Variants in MEGF6 observed in about 807,000 individuals in gnomAD.
MEGF6 encodes the protein multiple epidermal growth factor-like domains protein 6.
Under a neutral mutation model 207.1 loss-of-function variants are expected in MEGF6, and 184 were observed. That is an observed-to-expected ratio of 0.89 (90% CI 0.79 to 1.00). MEGF6 has a LOEUF of 1.00. MEGF6 is among the 50% of genes least tolerant of loss of function. The pLI is 0.00. For missense variants in MEGF6, 2,282 were observed against 2,202.9 expected, an observed-to-expected ratio of 1.04 and a Z score of -0.72; for synonymous variants, 1,038 against 910.0, an observed-to-expected ratio of 1.14 and a Z score of -2.53.
chr1:3,519,437 G>T (rs1000935841), intron 5 of MEGF6, among the ~76,000 whole-genome samples: 2 of 152,246 alleles, frequency 1.3e-5, no homozygotes, highest in Admixed American at 6.5e-5. Context: ...GCGCACCATG[G>T]GCACCCAATG....
intron 5 of MEGF6, among the ~76,000 whole-genome samples, chr1:3,517,352 C>T (rs1641580765): frequency 6.6e-6 from 1 of 152,204 alleles, no homozygotes; most frequent in Non-Finnish European, 1.5e-5. Flanking sequence ...CCGGGCATGG[C>T]GCGCACTGGA....
At chr1:3,580,734 G>GGGCAGGGCCAGGGTGGGAT (rs370427037) in intron 3 of MEGF6, among the ~76,000 whole-genome samples, 7 of 152,102 alleles carry the variant, frequency 4.6e-5, no homozygotes, top group East Asian at 1.9e-4. Context: ...CTACTTGGGA[G>GGGCAGGGCCAGGGTGGGAT]GGCAGGGCCA....
intron 2 of MEGF6, among the ~76,000 whole-genome samples, chr1:3,598,848 C>T (rs1038060617): frequency 6.6e-6 from 1 of 152,166 alleles, no homozygotes; most frequent in East Asian, 1.9e-4. Flanking sequence ...GCCCCTCCCC[C>T]ACCCCTTCCT....
chr1:3,496,893 C>A (rs1029254468), intron 28 of MEGF6, 95 bp downstream of exon 28: 2 of 1,523,164 alleles, frequency 1.3e-6, no homozygotes, highest in Non-Finnish European at 1.8e-6. Flanking sequence ...TCTTCCACCC[C>A]CTCAGATGAG....
chr1:3,500,553 CT>C, intron 21 of MEGF6, 79 bp downstream of exon 21: 1 of 1,470,696 alleles, frequency 6.8e-7, no homozygotes, highest in Non-Finnish European at 9.0e-7. Flanking sequence ...CGGTCAAAGG[CT>C]TTGTGTGTGT....
intron 4 of MEGF6, among the ~76,000 whole-genome samples, chr1:3,533,048 C>T (rs1557756497): frequency 6.6e-6 from 1 of 152,244 alleles, no homozygotes; most frequent in Non-Finnish European, 1.5e-5. Flanking sequence ...TCTCTCCACT[C>T]TCCACTACAG....
chr1:3,621,752 G>A, the MEGF6 span, among the ~76,000 whole-genome samples: 1 of 152,206 alleles, frequency 6.6e-6, no homozygotes, highest in Non-Finnish European at 1.5e-5. Context: ...TAGGCACTCA[G>A]GGGCAGAGCT....
At position 3,552,795 on chromosome 1, in the gene MEGF6, C is replaced by T. The variant is rs756202308; in HGVS notation, c.481+27030G>A. 5.1e-4 allele frequency among the ~76,000 whole-genome samples: 78 copies of T among 152,288 alleles called. 1 individual carries two copies. The highest frequency in any genetic ancestry group is 7.9e-4 in the Non-Finnish European group (54 of 68,004). On this transcript the variant is annotated intron_variant, in intron 4 of 36. Coordinates refer to ENST00000356575, the MANE Select transcript of MEGF6 (RefSeq NM_001409.4). ...GGAAAGGGCCGCTGTGCTCACCCAC[C>T]GGGCCCAGACCCCCCACTTTTCTCT...
chr1:3,503,854 T>C (rs1052316232), intron 17 of MEGF6, among the ~76,000 whole-genome samples: 1 of 151,842 alleles, frequency 6.6e-6, no homozygotes, highest in Non-Finnish European at 1.5e-5. Context: ...TGTGCACAGA[T>C]GGGAAGTGGG....
chr1:3,495,886 T>G lies in MEGF6; in HGVS notation c.3871+4A>C. ...TGAGCATGCCCTCTGGAGTGAACAC[T>G]CACCTCGCTCACAGCGGACGCCGGC... On this transcript the variant is annotated splice_donor_region_variant and intron_variant, in intron 30 of 36. Coordinates refer to ENST00000356575, the MANE Select transcript of MEGF6 (RefSeq NM_001409.4). 6.3e-7 allele frequency: 1 copy of G among 1,598,030 alleles called. No individual in the cohort carries two copies.
chr1:3,583,289 C>G (rs1643845243), intron 3 of MEGF6, among the ~76,000 whole-genome samples: 1 of 151,144 alleles, frequency 6.6e-6, no homozygotes, highest in Non-Finnish European at 1.5e-5. Flanking sequence ...AGACAACCCA[C>G]AGCCACCAGA....
intron 13 of MEGF6, 62 bp downstream of exon 13, chr1:3,508,495 GT>G: frequency 6.4e-7 from 1 of 1,570,978 alleles, no homozygotes; most frequent in Non-Finnish European, 8.6e-7. Flanking sequence ...TCAAAGGGCT[GT>G]CCCCAGGTCT....
intron 4 of MEGF6, among the ~76,000 whole-genome samples, chr1:3,541,099 T>C (rs1304035444): frequency 2.0e-5 from 3 of 152,314 alleles, no homozygotes; most frequent in African/African-American, 7.2e-5. Context: ...CAAAGGGCTC[T>C]GGGCACCTGT....
chr1:3,611,406 G>C lies in MEGF6; in HGVS notation c.-138C>G. 1 of 1,202,948 alleles carries C rather than the reference G, an allele frequency of 8.3e-7. No homozygotes were observed. The highest frequency in any genetic ancestry group is 3.2e-5 in the East Asian group (1 of 31,000). 74.5% of individuals were successfully genotyped at this position (1,202,948 alleles called of 1,614,324 possible). ...TCCGCGGAGCCCAAGGTCGCTGCAG[G>C]TGCGGAGCGTCCCGGCTTCCCGCCC... On this transcript the variant is annotated 5_prime_UTR_variant, in exon 1 of 37. Coordinates refer to ENST00000356575, the MANE Select transcript of MEGF6 (RefSeq NM_001409.4).
chr1:3,510,773 C>T lies in MEGF6; in HGVS notation c.1234+10G>A, dbSNP rs757595677. The T allele has an allele frequency of 1.9e-6, 3 of 1,594,688 alleles. No homozygotes were observed. The highest frequency in any genetic ancestry group is 1.7e-6 in the Non-Finnish European group (2 of 1,167,400). ...CCACCCCAGCTGTGCAGTGGCAGGG[C>T]AGTGCTCACCCTCACAGCCGCAGCC... is the stretch of plus-strand genomic sequence containing the variant. On this transcript the variant is annotated intron_variant, in intron 10 of 36. Coordinates refer to ENST00000356575, the MANE Select transcript of MEGF6 (RefSeq NM_001409.4).
chr1:3,605,148 A>T (rs200289963), intron 1 of MEGF6, among the ~76,000 whole-genome samples: 3 of 151,404 alleles, frequency 2.0e-5, no homozygotes, highest in Admixed American at 2.0e-4. Flanking sequence ...ACACAGTCAC[A>T]CACTCACAGT....
intron 4 of MEGF6, among the ~76,000 whole-genome samples, chr1:3,553,990 C>A (rs1642963876): frequency 6.6e-6 from 1 of 152,200 alleles, no homozygotes. Flanking sequence ...AGCTGCTCCC[C>A]TCCGCCAACA....
At chr1:3,574,179 G>A (rs1194249003) in intron 4 of MEGF6, among the ~76,000 whole-genome samples, 8 of 151,854 alleles carry the variant, frequency 5.3e-5, no homozygotes, top group East Asian at 1.9e-4. Context: ...TGTCTCCCCC[G>A]GCTTGGCAGG....
chr1:3,595,229 T>C lies in MEGF6; in HGVS notation c.376+109A>G. The C allele has an allele frequency of 4.2e-6, 3 of 718,866 alleles. No individual in the cohort carries two copies. In the South Asian group the frequency reaches 5.3e-5, roughly 13 times the overall value. The allele number at this position is 718,866 out of a possible 1,614,324, so 44.5% of individuals were successfully genotyped here. On this transcript the variant is annotated intron_variant, in intron 3 of 36. Coordinates refer to ENST00000356575, the MANE Select transcript of MEGF6 (RefSeq NM_001409.4). ...GAGCGAGTGTTCCCTGAGTCTCTCG[T>C]GTTGCTGGGGAAGGGCGATCCCCAC...
Sources: gnomAD v4.1 joint callset for allele counts (sites outside exome capture counted in the v4.1 genomes callset) on GRCh38, gnomAD v4.1.1 for gene constraint, MANE v1.5 for transcripts, NCBI Gene and HGNC (gene_info 2026-07-23, HGNC 2026-07-21) for gene names.